The following ESR1 variants were observed in gnomAD, a reference collection of about 807,000 sequenced individuals.
ESR1 encodes estrogen receptor 1, also known as estrogen receptor.
Under a neutral mutation model 52.7 loss-of-function variants are expected in ESR1, and 12 were observed. The ratio of observed to expected loss-of-function variants is 0.23; its 90% CI spans 0.15 to 0.37. ESR1 has a LOEUF of 0.37. Among genes scored for constraint, ESR1 ranks in the 10% least tolerant of loss-of-function variants. The pLI is 1.00. For synonymous variants in ESR1, 305 were observed against 316.8 expected (o/e 0.96, Z 0.39); for missense variants, 584 against 779.7 (o/e 0.75, Z 2.99).
intron 3 of ESR1, among the ~76,000 whole-genome samples, chr6:151,911,645 A>G (rs946856548): frequency 3.9e-5 from 6 of 152,242 alleles, no homozygotes; most frequent in Non-Finnish European, 8.8e-5. Context: ...TGCATGATGT[A>G]AAATGAATAC....
At chr6:151,745,473 C>T (rs1357772226) in intron 2 of ESR1, among the ~76,000 whole-genome samples, 4 of 152,182 alleles carry the variant, frequency 2.6e-5, no homozygotes, top group African/African-American at 9.6e-5. Context: ...TCTATTTTAG[C>T]ATCATTTGGA....
chr6:151,669,750 T>C (rs190997218), intron 1 of ESR1, among the ~76,000 whole-genome samples: 23 of 152,308 alleles, frequency 1.5e-4, no homozygotes, highest in Non-Finnish European at 2.9e-4. Flanking sequence ...ACAGTCTATG[T>C]GTTTGCTATC....
intron 3 of ESR1, among the ~76,000 whole-genome samples, chr6:151,916,661 C>T (rs976668561): frequency 2.0e-5 from 3 of 152,070 alleles, no homozygotes; most frequent in African/African-American, 7.2e-5. Context: ...TTTTATCATC[C>T]TCTAATACCA....
intron 1 of ESR1, among the ~76,000 whole-genome samples, chr6:151,808,870 T>C (rs1399558644): frequency 6.6e-6 from 1 of 152,124 alleles, no homozygotes; most frequent in Non-Finnish European, 1.5e-5. Flanking sequence ...GACTATTTGA[T>C]TGGAAATATG....
At chr6:151,871,849 T>C (rs1016685712) in intron 2 of ESR1, among the ~76,000 whole-genome samples, 11 of 152,244 alleles carry the variant, frequency 7.2e-5, no homozygotes, top group Non-Finnish European at 5.9e-5. Flanking sequence ...CTTTTGTGTC[T>C]GGCTTATTTC....
intron 3 of ESR1, among the ~76,000 whole-genome samples, chr6:151,908,047 G>A (rs535690640): frequency 6.6e-6 from 1 of 152,252 alleles, no homozygotes; most frequent in African/African-American, 2.4e-5. Context: ...GTTAACAATG[G>A]TTAGCCCTGG....
chr6:151,715,756 G>A lies in ESR1; in HGVS notation c.-71+13751G>A, dbSNP rs192339108. Among the ~76,000 whole-genome samples the A allele has an allele frequency of 4.2e-4, 64 of 152,186 alleles. No homozygotes were observed. In the East Asian group the frequency reaches 7.7e-3, roughly 18 times the overall value. ...CTCTATCCTTTTTTCAAGGTTCTTA[G>A]CTTCCTTGCCTTGGGTTAGAACATG... On this transcript the variant is annotated intron_variant, in intron 2 of 2. Coordinates refer to the ESR1 transcript ENST00000404742.
chr6:151,740,646 G>A (rs1418750096), intron 2 of ESR1, among the ~76,000 whole-genome samples: 3 of 151,842 alleles, frequency 2.0e-5, no homozygotes, highest in Admixed American at 6.6e-5. Flanking sequence ...TTTTTACACA[G>A]TTTTTTGTAA....
At chr6:151,993,687 C>A (rs2041231334) in intron 4 of ESR1, among the ~76,000 whole-genome samples, 1 of 152,164 alleles carries the variant, frequency 6.6e-6, no homozygotes, top group Non-Finnish European at 1.5e-5. Flanking sequence ...TAACCAATAT[C>A]TCAACAGAAC....
At chr6:151,861,059 A>G (rs1788794906) in intron 2 of ESR1, among the ~76,000 whole-genome samples, 1 of 152,204 alleles carries the variant, frequency 6.6e-6, no homozygotes, top group African/African-American at 2.4e-5. Context: ...TTTAAAAAAT[A>G]ACAAAGGTGG....
chr6:151,969,478 C>T (rs1453527335), intron 4 of ESR1, among the ~76,000 whole-genome samples: 3 of 152,074 alleles, frequency 2.0e-5, no homozygotes, highest in East Asian at 1.9e-4. Context: ...TGTGTGTGTG[C>T]ACACATGCAA....
chr6:152,011,684 G>A lies in ESR1; in HGVS notation c.1125G>A (p.Gln375=). 1 of 1,613,078 alleles carries A rather than the reference G, an allele frequency of 6.2e-7. No individual in the cohort carries two copies. Among genetic ancestry groups the A allele is most frequent in the Non-Finnish European group, 8.5e-7 (1 of 1,179,504 alleles). Residue 375 remains glutamine (Q), a synonymous_variant, in exon 5 of 8, where the codon CAG becomes CAA. Coordinates refer to ENST00000206249, the MANE Select transcript of ESR1 (RefSeq NM_000125.4). Reference sequence around the variant, plus strand: ...TTGTGGATTTGACCCTCCATGATCAGGTCCACCTTCTAGAATGTGCCTGGC... The same window carrying A: ...TTGTGGATTTGACCCTCCATGATCAAGTCCACCTTCTAGAATGTGCCTGGC... ...PGFVDLTLHD[Q]VHLLECAWLE...
At position 151,990,113 on chromosome 6, in the gene ESR1, T is replaced by C. The variant is rs546332297; in HGVS notation, c.1097-21543T>C. On this transcript the variant is annotated intron_variant, in intron 4 of 7. Coordinates refer to ENST00000206249, the MANE Select transcript of ESR1 (RefSeq NM_000125.4). ...ACAATAAAAACATTTATAATGTTAA[T>C]AAATATAAGTTTATTGAACTTAAAT... Among the ~76,000 whole-genome samples, 344 of 152,260 alleles carry C rather than the reference T, an allele frequency of 2.3e-3. 2 individuals carry two copies. The highest frequency in any genetic ancestry group is 7.9e-3 in the African/African-American group (328 of 41,518).
At chr6:152,026,897 T>C (rs1342529200) in intron 5 of ESR1, among the ~76,000 whole-genome samples, 1 of 152,194 alleles carries the variant, frequency 6.6e-6, no homozygotes, top group Admixed American at 6.5e-5. Flanking sequence ...AATCAAATGA[T>C]ATCAATTTAC....
intron 4 of ESR1, among the ~76,000 whole-genome samples, chr6:151,972,609 A>G (rs2039023269): frequency 6.6e-6 from 1 of 152,218 alleles, no homozygotes; most frequent in Admixed American, 6.5e-5. Flanking sequence ...GCATCCAATT[A>G]TGACAATTTT....
chr6:152,114,331 G>T (rs2051181980), intron 6 of ESR1, among the ~76,000 whole-genome samples: 1 of 152,216 alleles, frequency 6.6e-6, no homozygotes, highest in East Asian at 1.9e-4. Flanking sequence ...CTGGAGGCAG[G>T]TGGTAGTTTA....
Position 151,971,619 on chromosome 6 carries a change from G to A in ESR1, c.1096+27111G>A, listed in dbSNP as rs186709157. Among the ~76,000 whole-genome samples, 18 of 152,180 alleles carry A rather than the reference G, an allele frequency of 1.2e-4. No homozygotes were observed. In the East Asian group the frequency reaches 2.9e-3, roughly 24 times the overall value. On this transcript the variant is annotated intron_variant, in intron 4 of 7. Transcript: ENST00000206249. ...ATTCTTTGAGCTGAATGATAATAGC[G>A]ATACAACTTACCAAAACCTCTGGGA...
intron 2 of ESR1, among the ~76,000 whole-genome samples, chr6:151,775,198 C>T (rs745708253): frequency 2.0e-5 from 3 of 152,146 alleles, no homozygotes; most frequent in Non-Finnish European, 4.4e-5. Flanking sequence ...AGAAGAACTC[C>T]ATGATGGAGA....
chr6:151,912,219 G>T (rs1798373894), intron 3 of ESR1, among the ~76,000 whole-genome samples: 1 of 152,202 alleles, frequency 6.6e-6, no homozygotes, highest in African/African-American at 2.4e-5. Context: ...CAGCGTGTCT[G>T]ATAGGCGCTG....
Sources: allele counts gnomAD v4.1 joint callset (sites outside exome capture counted in the v4.1 genomes callset), GRCh38; gene constraint gnomAD v4.1.1; transcripts MANE v1.5; gene names NCBI Gene and HGNC (gene_info 2026-07-23, HGNC 2026-07-21).